Variants in GSTA4 observed in about 807,000 individuals in gnomAD.
GSTA4 encodes the protein glutathione S-transferase alpha 4, also known as glutathione S-transferase A4.
In GSTA4, 15 loss-of-function variants were observed where a neutral mutation model predicts 24.4. The observed-to-expected ratio is 0.61, with a 90% CI of 0.41 to 0.95. The LOEUF is 0.95. Ranked by LOEUF, GSTA4 falls within the 40% of genes least tolerant of loss-of-function variation. GSTA4 has a pLI of 0.00. For synonymous variants in GSTA4, 92 were observed against 94.2 expected (o/e 0.98, Z 0.13); for missense variants, 244 against 262.1 (o/e 0.93, Z 0.48).
At chr6:52,992,417 T>C (rs1004650066) in intron 2 of GSTA4, among the ~76,000 whole-genome samples, 1 of 152,250 alleles carries the variant, frequency 6.6e-6, no homozygotes, top group Non-Finnish European at 1.5e-5. Context: ...TCATTTTGAA[T>C]GTGGGCTGGA....
At chr6:52,994,341 G>T in intron 1 of GSTA4, 80 bp from the exon 2 acceptor site, 1 of 662,636 alleles carries the variant, frequency 1.5e-6, no homozygotes, top group Admixed American at 2.5e-5. Context: ...GGGGCGAAAT[G>T]AATATTCAGG....
chr6:52,978,430 C>G lies in GSTA4; in HGVS notation c.*40G>C. On this transcript the variant is annotated 3_prime_UTR_variant, in exon 7 of 7. Coordinates refer to ENST00000370963, the MANE Select transcript of GSTA4 (RefSeq NM_001512.4). ...AAGACATGACTGTAGACAATACCATCTCTAGGAACACACTGTCACTCACAC... is the reference window on the plus strand; with the variant it reads ...AAGACATGACTGTAGACAATACCATGTCTAGGAACACACTGTCACTCACAC... The G allele has an allele frequency of 6.2e-7, 1 of 1,601,488 alleles. No individual in the cohort carries two copies. Among genetic ancestry groups the G allele is most frequent in the Non-Finnish European group, 8.5e-7 (1 of 1,169,768 alleles).
chr6:52,990,230 T>C (rs1280293562), intron 2 of GSTA4, among the ~76,000 whole-genome samples: 1 of 152,226 alleles, frequency 6.6e-6, no homozygotes, highest in Non-Finnish European at 1.5e-5. Flanking sequence ...ACTCCCTGAA[T>C]TAGAAAAGGC....
intron 2 of GSTA4, 30 bp downstream of exon 2, chr6:52,994,127 A>T: frequency 7.0e-7 from 1 of 1,423,046 alleles, no homozygotes; most frequent in Non-Finnish European, 9.9e-7. Flanking sequence ...GCTGTATGAC[A>T]AATCCGTGAA....
intron 2 of GSTA4, chr6:52,988,139 T>C (rs1366475953): frequency 6.6e-6 from 1 of 152,114 alleles, no homozygotes; most frequent in Admixed American, 6.5e-5. Flanking sequence ...AAGGAAGTGC[T>C]CAAATGTGAA....
chr6:52,994,020 G>T, intron 2 of GSTA4, 137 bp downstream of exon 2: 1 of 724,392 alleles, frequency 1.4e-6, no homozygotes, highest in Non-Finnish European at 2.5e-6. Context: ...CTTCAGGGAT[G>T]GTATCTGACT....
chr6:52,991,911 C>T (rs1763669097), intron 2 of GSTA4, among the ~76,000 whole-genome samples: 1 of 152,084 alleles, frequency 6.6e-6, no homozygotes, highest in Non-Finnish European at 1.5e-5. Flanking sequence ...CACATGCCAC[C>T]ACACCCAGCT....
intron 2 of GSTA4, among the ~76,000 whole-genome samples, chr6:52,989,843 C>T (rs949005104): frequency 6.6e-6 from 1 of 152,136 alleles, no homozygotes; most frequent in African/African-American, 2.4e-5. Flanking sequence ...TATTAGTTAA[C>T]AGAAAGGGTT....
rs1475165043 is a variant in GSTA4, at chr6:52,978,510, T to G, written c.629A>C (p.Glu210Ala). The part of the protein sequence containing the change: ...PGSKKKPPPD[E>A]IYVRTVYNIF... ...GTTGTAGACGGTTCTCACATAAATT[T>G]CATCAGGGGGAGGCTTCTTCTTGCT... The change falls in exon 7 of 7, where the codon GAA (glutamate) becomes GCA (alanine). Residue 210 changes from glutamate (E) to alanine (A), a missense_variant. Glu to Ala is a moderately radical substitution (Grantham distance 107). Transcript: ENST00000370963. 6.2e-7 allele frequency: 1 copy of G among 1,613,642 alleles called. No homozygotes were observed. The highest frequency in any genetic ancestry group is 2.2e-5 in the East Asian group (1 of 44,864).
intron 4 of GSTA4, among the ~76,000 whole-genome samples, chr6:52,985,232 C>T (rs992304691): frequency 6.6e-6 from 1 of 152,108 alleles, no homozygotes; most frequent in Non-Finnish European, 1.5e-5. Context: ...ACAATGACAC[C>T]CTAGATATAA....
At chr6:52,987,269 G>A (rs1763579571) in intron 3 of GSTA4, 88 bp downstream of exon 3, 2 of 805,744 alleles carry the variant, frequency 2.5e-6, no homozygotes, top group Non-Finnish European at 4.2e-6. Flanking sequence ...AATGTTCAGT[G>A]TCATTGAATA....
intron 1 of GSTA4, 53 bp from the exon 2 acceptor site, chr6:52,994,314 C>T (rs543607060): frequency 3.1e-6 from 3 of 954,766 alleles, no homozygotes; most frequent in African/African-American, 3.2e-5. Context: ...AATTTCGCGT[C>T]TTCAACCCAG....
Position 52,981,246 on chromosome 6 carries a change from T to C in GSTA4, c.546+1328A>G, listed in dbSNP as rs573888966. Among the ~76,000 whole-genome samples, 14 of 152,346 alleles carry C rather than the reference T, an allele frequency of 9.2e-5. No individual in the cohort carries two copies. In the South Asian group the frequency reaches 2.5e-3, roughly 27 times the overall value. The stretch of plus-strand genomic sequence containing the variant: ...GCTCTCATTAGTATATCAAAATATT[T>C]AATAGACTTGGCAAAAAATTGTTTT... On this transcript the variant is annotated intron_variant, in intron 6 of 6. Coordinates refer to ENST00000370963, the MANE Select transcript of GSTA4 (RefSeq NM_001512.4).
chr6:52,987,681 G>A (rs529599957), intron 2 of GSTA4: 6 of 331,832 alleles, frequency 1.8e-5, no homozygotes, highest in Non-Finnish European at 3.3e-5. Flanking sequence ...TTGGTTAATG[G>A]TACATAAATA....
intron 5 of GSTA4, among the ~76,000 whole-genome samples, chr6:52,983,464 G>T (rs943137287): frequency 1.3e-5 from 2 of 152,190 alleles, no homozygotes; most frequent in African/African-American, 4.8e-5. Flanking sequence ...GTCAAATATA[G>T]CTACTGGAGC....
Position 52,978,382 on chromosome 6 carries a change from C to A in GSTA4, c.*88G>T. Reference sequence around the variant, plus strand: ...GACCCAACTTAATACATAGATAGCACCATGACAGAGCTGGGATCCATTAAG... The same window carrying A: ...GACCCAACTTAATACATAGATAGCAACATGACAGAGCTGGGATCCATTAAG... On this transcript the variant is annotated 3_prime_UTR_variant, in exon 7 of 7. Transcript: ENST00000370963. 1.5e-6 allele frequency: 2 copies of A among 1,341,692 alleles called. No individual in the cohort carries two copies. The highest frequency in any genetic ancestry group is 4.1e-5 in the Admixed American group (2 of 48,662). 83.1% of individuals were successfully genotyped at this position (1,341,692 alleles called of 1,614,324 possible).
intron 4 of GSTA4, 116 bp downstream of exon 4, chr6:52,985,335 C>T: frequency 1.0e-6 from 1 of 961,526 alleles, no homozygotes. Flanking sequence ...GTTTTTGTTC[C>T]CTGATCTCAC....
rs1250225668 is a variant in GSTA4, at chr6:52,978,210, A to G, written c.*260T>C. On this transcript the variant is annotated 3_prime_UTR_variant, in exon 7 of 7. Coordinates refer to ENST00000370963, the MANE Select transcript of GSTA4 (RefSeq NM_001512.4). The stretch of plus-strand genomic sequence containing the variant: ...ATTATGAGGATGAACTGGCTACAGG[A>G]CATGAGTAGCCCAATCAGATCTAAC... The G allele has an allele frequency of 4.9e-6, 2 of 412,068 alleles. No individual in the cohort carries two copies. The highest frequency in any genetic ancestry group is 8.6e-6 in the Non-Finnish European group (2 of 232,530). The allele number at this position is 412,068 out of a possible 1,614,324, so 25.5% of individuals were successfully genotyped here.
intron 2 of GSTA4, among the ~76,000 whole-genome samples, chr6:52,991,905 T>C (rs1006304068): frequency 2.0e-5 from 3 of 151,992 alleles, no homozygotes; most frequent in Non-Finnish European, 4.4e-5. Context: ...GACAGGCACA[T>C]GCCACCACAC....
Sources: gnomAD v4.1 joint callset for allele counts (sites outside exome capture counted in the v4.1 genomes callset) on GRCh38, gnomAD v4.1.1 for gene constraint, MANE v1.5 for transcripts, NCBI Gene and HGNC (gene_info 2026-07-23, HGNC 2026-07-21) for gene names.